The following LPP variants were observed in gnomAD, a reference collection of about 807,000 sequenced individuals.
LPP encodes lipoma-preferred partner.
LPP carries 38 observed loss-of-function variants against 60.4 expected under a neutral mutation model. The observed-to-expected ratio is 0.63, with a 90% CI of 0.49 to 0.83. The LOEUF (loss-of-function observed/expected upper bound fraction) is 0.83, where lower values mean the gene tolerates loss of function less well. Among genes scored for constraint, LPP ranks in the 40% least tolerant of loss-of-function variants. The probability of loss-of-function intolerance (pLI) is 0.00; values close to 1 mark genes in which losing one functional copy is unlikely to be tolerated. For synonymous variants in LPP, 328 were observed against 290.8 expected, an observed-to-expected ratio of 1.13 and a Z score of -1.30; for missense variants, 902 against 783.6, an observed-to-expected ratio of 1.15 and a Z score of -1.80.
rs139286104 is a variant in LPP at position 188,283,366 on chromosome 3, A to G, written c.-67+57839A>G. ...TGTTACAAGGAAAGCAGACATGCCAAGTTGCTGCATTTGTGAAATTGAATG... is the reference window on the plus strand; with the variant it reads ...TGTTACAAGGAAAGCAGACATGCCAGGTTGCTGCATTTGTGAAATTGAATG... On this transcript the variant is annotated intron_variant, in intron 2 of 11. Transcript: ENST00000617246. 7.0e-4 allele frequency among the ~76,000 whole-genome samples: 107 copies of G among 152,346 alleles called. 1 individual carries two copies. Among genetic ancestry groups the G allele is most frequent in the African/African-American group, 2.4e-3 (99 of 41,580 alleles).
chr3:188,583,366 A>G (rs1169756004), intron 6 of LPP, among the ~76,000 whole-genome samples: 2 of 151,870 alleles, frequency 1.3e-5, no homozygotes, highest in African/African-American at 4.8e-5. Context: ...GGAGAGTCAC[A>G]TGATATTGTT....
chr3:188,170,256 T>G (rs1450533696), intron 1 of LPP, among the ~76,000 whole-genome samples: 1 of 152,190 alleles, frequency 6.6e-6, no homozygotes, highest in African/African-American at 2.4e-5. Flanking sequence ...TTCTCATGCT[T>G]TGTTTGGGGC....
intron 2 of LPP, among the ~76,000 whole-genome samples, chr3:188,276,918 T>C (rs1190258250): frequency 7.5e-6 from 1 of 132,552 alleles, no homozygotes; most frequent in Admixed American, 7.7e-5. Context: ...TTTTTTTTTT[T>C]TGGAGAGACA....
At chr3:188,862,741 GAAA>G (rs1560308504) in intron 9 of LPP, among the ~76,000 whole-genome samples, 3 of 105,646 alleles carry the variant, frequency 2.8e-5, no homozygotes, top group African/African-American at 1.1e-4. Flanking sequence ...ATAAATAAAA[GAAA>G]AAAGAAAAGA....
chr3:188,555,065 A>G (rs1218251735), intron 6 of LPP, among the ~76,000 whole-genome samples: 2 of 152,100 alleles, frequency 1.3e-5, no homozygotes, highest in Non-Finnish European at 2.9e-5. Context: ...ATATTTGAGG[A>G]GAGATCTCAA....
At chr3:188,466,310 A>G (rs573577281) in intron 4 of LPP, among the ~76,000 whole-genome samples, 1 of 152,250 alleles carries the variant, frequency 6.6e-6, no homozygotes, top group South Asian at 2.1e-4. Context: ...GCCTACTTAC[A>G]GTTAGGTTAA....
intron 7 of LPP, among the ~76,000 whole-genome samples, chr3:188,675,381 A>G (rs778434971): frequency 2.0e-5 from 3 of 152,244 alleles, no homozygotes; most frequent in Non-Finnish European, 4.4e-5. Flanking sequence ...CAACAAGTAG[A>G]CCAAACAAAC....
chr3:188,254,896 A>G (rs1279258994), intron 2 of LPP, among the ~76,000 whole-genome samples: 2 of 152,198 alleles, frequency 1.3e-5, no homozygotes, highest in Admixed American at 6.5e-5. Context: ...TCTCAACCAT[A>G]CTTACCAGTC....
At chr3:188,799,836 ATTTCT>A (rs1458878295) in intron 9 of LPP, among the ~76,000 whole-genome samples, 2 of 152,154 alleles carry the variant, frequency 1.3e-5, no homozygotes, top group East Asian at 1.9e-4. Flanking sequence ...TATAAAAGTG[ATTTCT>A]TTTCTAGTAA....
intron 9 of LPP, among the ~76,000 whole-genome samples, chr3:188,770,701 A>T (rs1324014651): frequency 6.6e-6 from 1 of 152,196 alleles, no homozygotes; most frequent in Non-Finnish European, 1.5e-5. Flanking sequence ...ACCTGAAAAT[A>T]AATTCAAAGA....
intron 8 of LPP, among the ~76,000 whole-genome samples, chr3:188,729,198 G>A (rs1719531510): frequency 6.6e-6 from 1 of 152,190 alleles, no homozygotes; most frequent in Non-Finnish European, 1.5e-5. Flanking sequence ...TGGTATTCTG[G>A]GAACAGGAAG....
chr3:188,821,369 A>AT (rs201515540), intron 9 of LPP, among the ~76,000 whole-genome samples: 5 of 144,602 alleles, frequency 3.5e-5, no homozygotes, highest in South Asian at 2.2e-4. Flanking sequence ...GGACATCAGT[A>AT]TTTTTTTTTT....
At chr3:188,440,185 T>G (rs906668888) in intron 4 of LPP, among the ~76,000 whole-genome samples, 1 of 152,162 alleles carries the variant, frequency 6.6e-6, no homozygotes, top group African/African-American at 2.4e-5. Flanking sequence ...CCTAGCACAG[T>G]GCCAGATGAA....
At chr3:188,532,348 C>G (rs1822413076) in intron 6 of LPP, among the ~76,000 whole-genome samples, 2 of 152,104 alleles carry the variant, frequency 1.3e-5, no homozygotes, top group African/African-American at 4.8e-5. Context: ...TTGCTTGAAC[C>G]TAGGAGACAG....
At chr3:188,407,269 C>T (rs553288512) in intron 4 of LPP, among the ~76,000 whole-genome samples, 10 of 152,268 alleles carry the variant, frequency 6.6e-5, no homozygotes, top group African/African-American at 2.4e-4. Context: ...CAATATTGCA[C>T]GCAAGTGTTT....
At chr3:188,797,547 C>T (rs1174064830) in intron 9 of LPP, among the ~76,000 whole-genome samples, 1 of 152,150 alleles carries the variant, frequency 6.6e-6, no homozygotes, top group Non-Finnish European at 1.5e-5. Flanking sequence ...TACACTCTAG[C>T]CATCCTGACC....
At chr3:188,210,593 A>G (rs369168512) in intron 1 of LPP, among the ~76,000 whole-genome samples, 189 of 152,276 alleles carry the variant, frequency 1.2e-3, no homozygotes, top group African/African-American at 4.3e-3. Context: ...GCACACATAT[A>G]TTGAAGGAAC....
chr3:188,532,666 G>A (rs1822512990), intron 6 of LPP, among the ~76,000 whole-genome samples: 2 of 152,168 alleles, frequency 1.3e-5, no homozygotes, highest in South Asian at 2.1e-4. Context: ...ACCTGTCCAT[G>A]TTACCAGTTT....
chr3:188,194,134 C>T (rs1379960469), intron 1 of LPP, among the ~76,000 whole-genome samples: 1 of 152,202 alleles, frequency 6.6e-6, no homozygotes. Context: ...GCCCTCATTC[C>T]TGGTCAGTTA....
Sources: gnomAD v4.1 joint callset for allele counts (sites outside exome capture counted in the v4.1 genomes callset) on GRCh38, gnomAD v4.1.1 for gene constraint, MANE v1.5 for transcripts, NCBI Gene and HGNC (gene_info 2026-07-23, HGNC 2026-07-21) for gene names.